EXOC2: variants seen among roughly 807,000 people sequenced by gnomAD.
The protein encoded by EXOC2 is SEC5-like 1.
EXOC2 carries 70 observed loss-of-function variants against 131.8 expected under a neutral mutation model. The observed-to-expected ratio is 0.53, with a 90% CI of 0.44 to 0.65. The LOEUF is 0.65. Among genes scored for constraint, EXOC2 ranks in the 30% least tolerant of loss-of-function variants. The pLI is 0.00. For missense variants in EXOC2, 923 were observed against 1,108.6 expected, an observed-to-expected ratio of 0.83 and a Z score of 2.38; for synonymous variants, 411 against 398.4, an observed-to-expected ratio of 1.03 and a Z score of -0.38.
intron 7 of EXOC2, among the ~76,000 whole-genome samples, chr6:604,091 C>G (rs747148469): frequency 2.0e-5 from 3 of 152,170 alleles, no homozygotes; most frequent in Non-Finnish European, 4.4e-5. Flanking sequence ...AGAGGTTATT[C>G]AAGTTGCCCA....
chr6:567,413 T>C (rs1053543657), intron 13 of EXOC2, among the ~76,000 whole-genome samples: 1 of 152,380 alleles, frequency 6.6e-6, no homozygotes, highest in East Asian at 1.9e-4. Context: ...CCATTGCTGA[T>C]ATTCTGTCTT....
intron 1 of EXOC2, among the ~76,000 whole-genome samples, chr6:674,018 A>G (rs1763996296): frequency 6.6e-6 from 1 of 152,236 alleles, no homozygotes; most frequent in African/African-American, 2.4e-5. Flanking sequence ...CAAACCCCTA[A>G]TAATCCAAAA....
chr6:528,453 T>C (rs1326590303), intron 23 of EXOC2, among the ~76,000 whole-genome samples: 2 of 152,182 alleles, frequency 1.3e-5, no homozygotes, highest in Non-Finnish European at 2.9e-5. Flanking sequence ...AAAATCACTA[T>C]ATGACTATGC....
chr6:515,655 G>GTGGGTATCTGCAGT (rs1561804665), intron 23 of EXOC2, among the ~76,000 whole-genome samples: 5 of 150,832 alleles, frequency 3.3e-5, no homozygotes, highest in African/African-American at 1.2e-4. Context: ...CACACAGCTG[G>GTGGGTATCTGCAGT]GGCGGTCCTA....
chr6:615,114 G>A (rs565922496), intron 6 of EXOC2, among the ~76,000 whole-genome samples: 1 of 152,154 alleles, frequency 6.6e-6, no homozygotes, highest in East Asian at 1.9e-4. Flanking sequence ...TCTTAATAGA[G>A]AATTTCAGGG....
At chr6:651,713 T>C (rs1255599560) in intron 1 of EXOC2, among the ~76,000 whole-genome samples, 2 of 151,350 alleles carry the variant, frequency 1.3e-5, no homozygotes, top group South Asian at 2.1e-4. Context: ...TCTACAGAAG[T>C]GCTCATGAGG....
intron 23 of EXOC2, among the ~76,000 whole-genome samples, chr6:521,766 G>A (rs1392136875): frequency 6.6e-6 from 1 of 152,082 alleles, no homozygotes; most frequent in Non-Finnish European, 1.5e-5. Context: ...GGGCTCAAGC[G>A]ATTCACCTAC....
chr6:611,622 G>C (rs1186676000), intron 6 of EXOC2, among the ~76,000 whole-genome samples: 2 of 152,194 alleles, frequency 1.3e-5, no homozygotes, highest in Non-Finnish European at 2.9e-5. Context: ...CATGAGGACT[G>C]AGAGACACTG....
At chr6:628,622 T>C (rs1247767116) in intron 4 of EXOC2, among the ~76,000 whole-genome samples, 1 of 152,246 alleles carries the variant, frequency 6.6e-6, no homozygotes, top group Non-Finnish European at 1.5e-5. Context: ...ATATTCCTTT[T>C]GCCCATGTAT....
At chr6:501,156 T>G (rs1764058446) in intron 23 of EXOC2, among the ~76,000 whole-genome samples, 1 of 45,920 alleles carries the variant, frequency 2.2e-5, no homozygotes. Flanking sequence ...ATTATATATA[T>G]CTATATATAT....
At chr6:507,125 TACACAC>T (rs111658424) in intron 23 of EXOC2, among the ~76,000 whole-genome samples, 2 of 43,128 alleles carry the variant, frequency 4.6e-5, no homozygotes, top group East Asian at 7.7e-4. Flanking sequence ...ACTACACACA[TACACAC>T]ACACATACAC....
At chr6:584,851 T>C (rs1759114025) in intron 11 of EXOC2, among the ~76,000 whole-genome samples, 1 of 152,260 alleles carries the variant, frequency 6.6e-6, no homozygotes, top group African/African-American at 2.4e-5. Context: ...AGTAGCCTGA[T>C]GCCTTCTCCC....
At chr6:630,701 T>C (rs1761802481) in intron 3 of EXOC2, among the ~76,000 whole-genome samples, 1 of 152,246 alleles carries the variant, frequency 6.6e-6, no homozygotes, top group African/African-American at 2.4e-5. Context: ...AATAATATGC[T>C]ACTTGCTATT....
intron 25 of EXOC2, among the ~76,000 whole-genome samples, chr6:496,159 C>T (rs559662942): frequency 5.3e-5 from 8 of 152,240 alleles, no homozygotes; most frequent in African/African-American, 7.2e-5. Flanking sequence ...TCCTTGTCTG[C>T]TAATTCCAAT....
chr6:496,624 A>C (rs1176436389), intron 25 of EXOC2, among the ~76,000 whole-genome samples: 1 of 152,230 alleles, frequency 6.6e-6, no homozygotes, highest in Non-Finnish European at 1.5e-5. Flanking sequence ...AAAATCCATA[A>C]GAAATAAGAA....
chr6:605,754 T>C (rs113478756), intron 7 of EXOC2, among the ~76,000 whole-genome samples: 13,581 of 152,212 alleles, frequency 0.089, 1,029 homozygotes, highest in African/African-American at 0.21. Context: ...CTTTTGAATG[T>C]GTTTGCTCTT....
chr6:514,648 G>C (rs557273120), intron 23 of EXOC2, among the ~76,000 whole-genome samples: 86 of 152,380 alleles, frequency 5.6e-4, no homozygotes, highest in African/African-American at 1.9e-3. Context: ...TGAAGACACA[G>C]CTGCTCCAGG....
chr6:629,974 G>A lies in EXOC2; in HGVS notation c.296-13C>T. The A allele has an allele frequency of 6.2e-7, 1 of 1,613,304 alleles. No homozygotes were observed. The highest frequency in any genetic ancestry group is 1.1e-5 in the South Asian group (1 of 90,964). On this transcript the variant is annotated splice_polypyrimidine_tract_variant and intron_variant, in intron 3 of 27. Transcript: ENST00000230449. ...TGATCCAAAATGCCTACAGAAATGA[G>A]GAGCATATGCTTAATAAGATGAAGC...
chr6:530,659 C>A (rs1021612428), intron 23 of EXOC2, among the ~76,000 whole-genome samples: 1 of 152,198 alleles, frequency 6.6e-6, no homozygotes, highest in Admixed American at 6.5e-5. Flanking sequence ...AAGCACCCAG[C>A]CTGCCTGCTG....
Sources: gnomAD v4.1 joint callset for allele counts (sites outside exome capture counted in the v4.1 genomes callset) on GRCh38, gnomAD v4.1.1 for gene constraint, MANE v1.5 for transcripts, NCBI Gene and HGNC (gene_info 2026-07-23, HGNC 2026-07-21) for gene names.